Variants in EML1 observed in about 807,000 individuals in gnomAD.
EML1 encodes EMAP like 1.
EML1 carries 27 observed loss-of-function variants against 110.4 expected under a neutral mutation model. The ratio of observed to expected loss-of-function variants is 0.24; its 90% CI spans 0.18 to 0.34. EML1 has a LOEUF of 0.34. Among genes scored for constraint, EML1 ranks in the 10% least tolerant of loss-of-function variants. The pLI is 1.00. For missense variants in EML1, 741 were observed against 1,030.9 expected, an observed-to-expected ratio of 0.72 and a Z score of 3.85; for synonymous variants, 344 against 385.8, an observed-to-expected ratio of 0.89 and a Z score of 1.27.
At chr14:99,880,020 A>G (rs189404114) in intron 4 of EML1, among the ~76,000 whole-genome samples, 1 of 152,344 alleles carries the variant, frequency 6.6e-6, no homozygotes, top group Admixed American at 6.5e-5. Context: ...AAATATTTCC[A>G]TAGAAGATAT....
At chr14:99,918,323 C>G (rs1420974366) in intron 16 of EML1, among the ~76,000 whole-genome samples, 1 of 152,084 alleles carries the variant, frequency 6.6e-6, no homozygotes, top group South Asian at 2.1e-4. Flanking sequence ...GTCTTGAGCT[C>G]TAGCTCAAGC....
chr14:99,898,816 C>G (rs1331884359), intron 8 of EML1, among the ~76,000 whole-genome samples: 1 of 151,180 alleles, frequency 6.6e-6, no homozygotes, highest in African/African-American at 2.4e-5. Flanking sequence ...TTAATTTCAT[C>G]AGATTTTTAA....
At chr14:99,810,439 G>T (rs144927143) in intron 1 of EML1, among the ~76,000 whole-genome samples, 3 of 152,142 alleles carry the variant, frequency 2.0e-5, no homozygotes, top group East Asian at 1.9e-4. Context: ...TTTCGTCCTC[G>T]CAACCATTCA....
chr14:99,760,449 G>A (rs2057303181), intron 1 of EML1, among the ~76,000 whole-genome samples: 1 of 152,156 alleles, frequency 6.6e-6, no homozygotes, highest in Admixed American at 6.5e-5. Flanking sequence ...GGAGTGAAAT[G>A]TACTGGCTTT....
rs747385711 is a variant in EML1, at chr14:99,914,231, T to C, written c.1547T>C (p.Val516Ala). ...ACAGTGGCCGAGGGGAAAGGCGATG[T>C]GATCTTGATTGGCACAACTCGAAAC... ...IRTVAEGKGD[V>A]ILIGTTRNFV... Residue 516 changes from valine to alanine, a missense_variant, in exon 14 of 22, where the codon GTG becomes GCG. Transcript: ENST00000262233. 6.2e-7 allele frequency: 1 copy of C among 1,614,050 alleles called. No individual in the cohort carries two copies.
upstream of EML1, among the ~76,000 whole-genome samples, chr14:99,771,537 C>T (rs975941057): frequency 1.6e-4 from 25 of 152,178 alleles, no homozygotes; most frequent in East Asian, 1.2e-3. Context: ...CCAGGCTGGG[C>T]GCCATGGCTC....
At chr14:99,797,185 A>C (rs1419979352) in intron 1 of EML1, among the ~76,000 whole-genome samples, 1 of 152,100 alleles carries the variant, frequency 6.6e-6, no homozygotes, top group Admixed American at 6.6e-5. Context: ...ATTTTATTTA[A>C]ATGGAATTAT....
chr14:99,823,300 C>T (rs1194613032), intron 1 of EML1, among the ~76,000 whole-genome samples: 1 of 151,982 alleles, frequency 6.6e-6, no homozygotes, highest in South Asian at 2.1e-4. Flanking sequence ...CTGCCCTGCA[C>T]GTGGGTGGTG....
At chr14:99,828,233 C>T (rs780446629) in intron 1 of EML1, among the ~76,000 whole-genome samples, 2 of 152,192 alleles carry the variant, frequency 1.3e-5, no homozygotes, top group African/African-American at 2.4e-5. Context: ...CAGCTGCAGT[C>T]TGAGGATATT....
chr14:99,875,593 C>G (rs2059277256), intron 3 of EML1, among the ~76,000 whole-genome samples: 1 of 152,156 alleles, frequency 6.6e-6, no homozygotes, highest in Non-Finnish European at 1.5e-5. Flanking sequence ...TTGCCATGAA[C>G]TCCCACAAGG....
Position 99,878,635 on chromosome 14 carries a change from C to A in EML1, c.518+16C>A. 1 of 1,609,712 alleles carries A rather than the reference C, an allele frequency of 6.2e-7. No homozygotes were observed. The highest frequency in any genetic ancestry group is 8.5e-7 in the Non-Finnish European group (1 of 1,177,980). On this transcript the variant is annotated intron_variant, in intron 4 of 21. Coordinates refer to ENST00000262233, the MANE Select transcript of EML1 (RefSeq NM_004434.3). ...ACAGTGAAAGGTAAGGACGTCTTATCTCTCAGTTCCTGCTGTTCAGATATG... is the reference window on the plus strand; with the variant it reads ...ACAGTGAAAGGTAAGGACGTCTTATATCTCAGTTCCTGCTGTTCAGATATG...
At chr14:99,806,336 T>C (rs2057974588) in intron 1 of EML1, among the ~76,000 whole-genome samples, 1 of 149,786 alleles carries the variant, frequency 6.7e-6, no homozygotes, top group Non-Finnish European at 1.5e-5. Context: ...TTTTTTTTTT[T>C]TTTTGAGACA....
chr14:99,836,246 A>C (rs1167179529), intron 1 of EML1, among the ~76,000 whole-genome samples: 1 of 152,170 alleles, frequency 6.6e-6, no homozygotes, highest in Non-Finnish European at 1.5e-5. Flanking sequence ...TCCTGTAAAT[A>C]TTTTGGTAGA....
At chr14:99,903,838 C>T (rs1170756615) in intron 9 of EML1, among the ~76,000 whole-genome samples, 2 of 146,118 alleles carry the variant, frequency 1.4e-5, no homozygotes, top group East Asian at 3.9e-4. Context: ...GGCTAGAGGG[C>T]AGTGGCATGA....
chr14:99,842,040 G>GA (rs1326116406), intron 1 of EML1, among the ~76,000 whole-genome samples: 1 of 152,092 alleles, frequency 6.6e-6, no homozygotes. Flanking sequence ...AAACTTGGGG[G>GA]AAAAAAAGCT....
At chr14:99,918,748 G>A (rs866772537) in intron 16 of EML1, among the ~76,000 whole-genome samples, 4 of 152,052 alleles carry the variant, frequency 2.6e-5, no homozygotes, top group East Asian at 1.9e-4. Context: ...TCAGGAGTTC[G>A]AGGCTGCATC....
At chr14:99,749,714 A>T (rs1199487751) in intron 1 of EML1, among the ~76,000 whole-genome samples, 2 of 152,196 alleles carry the variant, frequency 1.3e-5, no homozygotes, top group Non-Finnish European at 2.9e-5. Context: ...GAGGGAGCTG[A>T]CTTACCAGCC....
In EML1 at chr14:99,758,392, T is replaced by C. The variant is rs143074033; in HGVS notation, c.28+20532T>C. On this transcript the variant is annotated intron_variant, in intron 1 of 10. Transcript: ENST00000554479. ...CATACAGAGTTCCACCCACCATGTA[T>C]GGGGATTGCTTTGTGGGGGAGGAGA... 2.5e-3 allele frequency among the ~76,000 whole-genome samples: 375 copies of C among 152,160 alleles called. 3 individuals are homozygous for C. The highest frequency in any genetic ancestry group is 8.2e-3 in the African/African-American group (340 of 41,516).
At chr14:99,884,583 G>A (rs955894450) in intron 4 of EML1, among the ~76,000 whole-genome samples, 2 of 152,144 alleles carry the variant, frequency 1.3e-5, no homozygotes, top group African/African-American at 2.4e-5. Context: ...CTGCACAGGC[G>A]CTCACTGAGA....
Sources: allele counts gnomAD v4.1 joint callset (sites outside exome capture counted in the v4.1 genomes callset), GRCh38; gene constraint gnomAD v4.1.1; transcripts MANE v1.5; gene names NCBI Gene and HGNC (gene_info 2026-07-23, HGNC 2026-07-21).